NRXN3: variants seen among roughly 807,000 people sequenced by gnomAD.
NRXN3 encodes the protein neurexin 3.
A neutral mutation model predicts 137.6 loss-of-function variants in NRXN3; 32 were observed. The ratio of observed to expected loss-of-function variants is 0.23; its 90% confidence interval spans 0.18 to 0.31. NRXN3 has a LOEUF of 0.31. Among genes scored for constraint, NRXN3 ranks in the 10% least tolerant of loss-of-function variants. The probability of loss-of-function intolerance (pLI) is 1.00; values close to 1 mark genes in which losing one functional copy is unlikely to be tolerated. For missense variants in NRXN3, 1,574 were observed against 2,062.5 expected, an observed-to-expected ratio of 0.76 and a Z score of 4.59; for synonymous variants, 798 against 784.5, an observed-to-expected ratio of 1.02 and a Z score of -0.29.
rs1336758010 is a variant in NRXN3 at position 79,638,819 on chromosome 14, A to T, written c.3445-24959A>T. ...CATTGCTGTTGGCAGAGTAACGGAG[A>T]AGGCGCTGAGGCTTACCCATGCCAT... is the stretch of plus-strand genomic sequence containing the variant. On this transcript the variant is annotated intron_variant, in intron 16 of 20. Coordinates refer to ENST00000335750, the MANE Select transcript of NRXN3 (RefSeq NM_001330195.2). Among the ~76,000 whole-genome samples, 7 of 152,208 alleles carry T rather than the reference A, an allele frequency of 4.6e-5. No individual in the cohort carries two copies. In the East Asian group the frequency reaches 1.2e-3, roughly 25 times the overall value.
chr14:78,751,010 C>T (rs544680534), intron 8 of NRXN3, among the ~76,000 whole-genome samples: 45 of 152,244 alleles, frequency 3.0e-4, no homozygotes, highest in Non-Finnish European at 5.0e-4. Flanking sequence ...GCGGGGAGGC[C>T]GTTTTGTCAT....
chr14:78,568,223 C>T (rs1405354708), intron 4 of NRXN3, among the ~76,000 whole-genome samples: 1 of 152,092 alleles, frequency 6.6e-6, no homozygotes, highest in African/African-American at 2.4e-5. Context: ...GGAGGGGGGC[C>T]TTTTGGGAGG....
At chr14:78,339,675 A>G (rs1335516840) in intron 4 of NRXN3, among the ~76,000 whole-genome samples, 1 of 152,152 alleles carries the variant, frequency 6.6e-6, no homozygotes, top group Non-Finnish European at 1.5e-5. Context: ...CCTCCTCTGT[A>G]CACATGTGGA....
Position 78,575,152 on chromosome 14 carries a change from C to T in NRXN3, c.758-69968C>T, listed in dbSNP as rs529071417. The stretch of plus-strand genomic sequence containing the variant: ...TGACTTTTGCCATGATTGTAAGTTT[C>T]CTGAGGCCTTCTCAGCCATGTGGAA... On this transcript the variant is annotated intron_variant, in intron 4 of 20. Transcript: ENST00000335750. Among the ~76,000 whole-genome samples, 38 of 152,288 alleles carry T rather than the reference C, an allele frequency of 2.5e-4. 1 individual carries two copies. The South Asian group carries it at 7.9e-3, about 32-fold the overall frequency.
At chr14:79,154,577 C>T (rs951388183) in intron 15 of NRXN3, among the ~76,000 whole-genome samples, 1 of 151,822 alleles carries the variant, frequency 6.6e-6, no homozygotes, top group East Asian at 1.9e-4. Flanking sequence ...ATATACCTGC[C>T]AGGCTATTGT....
intron 10 of NRXN3, among the ~76,000 whole-genome samples, chr14:78,912,090 T>G (rs530640320): frequency 7.0e-4 from 106 of 151,128 alleles, no homozygotes; most frequent in African/African-American, 2.2e-3. Context: ...CCCACAACAG[T>G]CCCCGGTGTG....
At chr14:79,507,181 T>C (rs907019118) in intron 16 of NRXN3, among the ~76,000 whole-genome samples, 4 of 152,116 alleles carry the variant, frequency 2.6e-5, no homozygotes, top group Non-Finnish European at 4.4e-5. Context: ...GAAGCTAACT[T>C]GGAAGGAAAA....
chr14:79,505,086 A>G (rs886527211), intron 16 of NRXN3, among the ~76,000 whole-genome samples: 4 of 152,012 alleles, frequency 2.6e-5, no homozygotes, highest in Admixed American at 2.0e-4. Flanking sequence ...GTGGTGGTGC[A>G]TGCCTGTAAT....
intron 15 of NRXN3, among the ~76,000 whole-genome samples, chr14:79,202,268 G>C (rs2066146664): frequency 6.6e-6 from 1 of 152,106 alleles, no homozygotes; most frequent in Non-Finnish European, 1.5e-5. Context: ...GCAGAAGAAT[G>C]ATTGCTCTCA....
intron 15 of NRXN3, among the ~76,000 whole-genome samples, chr14:79,113,873 G>A (rs1279802581): frequency 5.9e-5 from 9 of 152,094 alleles, no homozygotes; most frequent in Admixed American, 3.3e-4. Context: ...TCCTAATTCC[G>A]TCGGGCTAGG....
intron 20 of NRXN3, chr14:79,860,911 A>G (rs2099412751): frequency 1.7e-6 from 1 of 587,906 alleles, no homozygotes; most frequent in African/African-American, 1.9e-5. Flanking sequence ...TAGAATGATT[A>G]GACTCCATCC....
intron 4 of NRXN3, among the ~76,000 whole-genome samples, chr14:78,586,906 A>G (rs1009311538): frequency 3.9e-5 from 6 of 152,218 alleles, no homozygotes; most frequent in African/African-American, 1.2e-4. Context: ...CTGTGACAAC[A>G]TTGGCTGGCA....
chr14:78,325,684 T>C (rs949063707), intron 4 of NRXN3, among the ~76,000 whole-genome samples: 6 of 152,040 alleles, frequency 3.9e-5, no homozygotes, highest in African/African-American at 1.4e-4. Flanking sequence ...AAAAAAAGCC[T>C]AGGGTCAGGG....
chr14:79,526,346 C>T lies in NRXN3; in HGVS notation c.3444+58944C>T, dbSNP rs577824628. On this transcript the variant is annotated intron_variant, in intron 16 of 20. Coordinates refer to ENST00000335750, the MANE Select transcript of NRXN3 (RefSeq NM_001330195.2). Reference sequence around the variant, plus strand: ...ACAAGTGTGAGCTGCCACCTGGCCCCATATCCACCTAATTTAAAAAAATTT... The same window carrying T: ...ACAAGTGTGAGCTGCCACCTGGCCCTATATCCACCTAATTTAAAAAAATTT... Among the ~76,000 whole-genome samples the T allele has an allele frequency of 1.2e-4, 19 of 152,196 alleles. No homozygotes were observed. The South Asian group carries it at 3.9e-3, about 32-fold the overall frequency.
chr14:79,209,715 G>T (rs1229032535), intron 15 of NRXN3, among the ~76,000 whole-genome samples: 1 of 152,206 alleles, frequency 6.6e-6, no homozygotes, highest in East Asian at 1.9e-4. Context: ...TTATACCAGC[G>T]ATTTTATCAC....
At chr14:79,761,624 C>T (rs1262988198) in intron 19 of NRXN3, among the ~76,000 whole-genome samples, 5 of 134,262 alleles carry the variant, frequency 3.7e-5, no homozygotes, top group South Asian at 2.3e-4. Flanking sequence ...ACCCGGGAGG[C>T]GGAGCTTGCC....
chr14:79,325,114 CCTA>C (rs1282420220), intron 15 of NRXN3, among the ~76,000 whole-genome samples: 1 of 152,136 alleles, frequency 6.6e-6, no homozygotes, highest in Non-Finnish European at 1.5e-5. Context: ...TTTCTCTTTT[CCTA>C]CTTTTCTTTT....
chr14:78,279,096 G>T (rs1338385617), intron 3 of NRXN3, among the ~76,000 whole-genome samples: 1 of 152,048 alleles, frequency 6.6e-6, no homozygotes, highest in African/African-American at 2.4e-5. Flanking sequence ...GTGAAAGGAG[G>T]TTTCTTTCTT....
intron 6 of NRXN3, among the ~76,000 whole-genome samples, chr14:78,677,557 C>A (rs1225747751): frequency 1.3e-5 from 2 of 152,090 alleles, no homozygotes; most frequent in African/African-American, 4.8e-5. Flanking sequence ...GAGATGGAAT[C>A]CACTCTTGGT....
Sources: allele counts gnomAD v4.1 joint callset (sites outside exome capture counted in the v4.1 genomes callset), GRCh38; gene constraint gnomAD v4.1.1; transcripts MANE v1.5; gene names NCBI Gene and HGNC (gene_info 2026-07-23, HGNC 2026-07-21).